Variants in UNC5D observed in about 807,000 individuals in gnomAD.
The protein encoded by UNC5D is unc-5 netrin receptor D, also known as netrin receptor UNC5D.
UNC5D carries 39 observed loss-of-function variants against 105.4 expected under a neutral mutation model. The observed-to-expected ratio is 0.37, with a 90% CI of 0.29 to 0.48. The LOEUF (loss-of-function observed/expected upper bound fraction) is 0.48, where lower values mean the gene tolerates loss of function less well. Ranked by LOEUF, UNC5D falls within the 20% of genes least tolerant of loss-of-function variation. The pLI, the probability that UNC5D is intolerant of heterozygous loss-of-function variation, is 0.98. For synonymous variants in UNC5D, 452 were observed against 450.4 expected, an observed-to-expected ratio of 1.00 and a Z score of -0.04; for missense variants, 991 against 1,202.4, an observed-to-expected ratio of 0.82 and a Z score of 2.60.
At chr8:35,408,628 C>T (rs895289926) in intron 1 of UNC5D, among the ~76,000 whole-genome samples, 2 of 151,556 alleles carry the variant, frequency 1.3e-5, no homozygotes, top group South Asian at 2.1e-4. Context: ...ATGTGGGAAC[C>T]GGAAGGGGTA....
chr8:35,318,183 C>T (rs1585571037), intron 1 of UNC5D, among the ~76,000 whole-genome samples: 1 of 152,030 alleles, frequency 6.6e-6, no homozygotes, highest in African/African-American at 2.4e-5. Context: ...CCAACTCTCC[C>T]TAGGTTGGAC....
At chr8:35,334,884 C>A (rs1480949695) in intron 1 of UNC5D, among the ~76,000 whole-genome samples, 1 of 152,112 alleles carries the variant, frequency 6.6e-6, no homozygotes, top group Non-Finnish European at 1.5e-5. Flanking sequence ...GAAACTATCA[C>A]CATAATTAAG....
chr8:35,599,410 A>G (rs1819699607), intron 4 of UNC5D, among the ~76,000 whole-genome samples: 2 of 152,204 alleles, frequency 1.3e-5, no homozygotes, highest in African/African-American at 4.8e-5. Flanking sequence ...TGTAATACAT[A>G]CATTATTTAG....
chr8:35,671,975 C>T (rs1240614024), intron 4 of UNC5D, among the ~76,000 whole-genome samples: 2 of 152,080 alleles, frequency 1.3e-5, no homozygotes, highest in Admixed American at 6.6e-5. Flanking sequence ...ATGTGGAATC[C>T]GAGCTCATCC....
At chr8:35,724,231 T>C in intron 9 of UNC5D, 1 of 1,529,358 alleles carries the variant, frequency 6.5e-7, no homozygotes. Context: ...CTGACCATTT[T>C]GTTTTATTTT....
intron 11 of UNC5D, among the ~76,000 whole-genome samples, chr8:35,733,538 C>T (rs947519078): frequency 2.6e-5 from 4 of 152,294 alleles, no homozygotes; most frequent in Admixed American, 1.3e-4. Flanking sequence ...AGAGCCACCA[C>T]GGTTCCCTCT....
At chr8:35,379,857 C>T (rs1585707514) in intron 1 of UNC5D, among the ~76,000 whole-genome samples, 1 of 151,956 alleles carries the variant, frequency 6.6e-6, no homozygotes, top group African/African-American at 2.4e-5. Flanking sequence ...TATAAAGCTG[C>T]TAATGTTTTG....
intron 1 of UNC5D, among the ~76,000 whole-genome samples, chr8:35,298,058 A>G (rs932800295): frequency 6.6e-6 from 1 of 152,132 alleles, no homozygotes; most frequent in African/African-American, 2.4e-5. Flanking sequence ...CTGTCTGCAG[A>G]CTATGAGCTT....
chr8:35,769,584 G>A (rs746952396), intron 15 of UNC5D, among the ~76,000 whole-genome samples: 1 of 152,182 alleles, frequency 6.6e-6, no homozygotes, highest in African/African-American at 2.4e-5. Flanking sequence ...GGATGTCTTG[G>A]TTGAATGATT....
intron 1 of UNC5D, among the ~76,000 whole-genome samples, chr8:35,547,835 A>G (rs1399218776): frequency 3.3e-5 from 5 of 152,156 alleles, no homozygotes; most frequent in African/African-American, 1.2e-4. Context: ...ATAGATGTAT[A>G]TATAAAGGGG....
chr8:35,303,979 C>T (rs1182444715), intron 1 of UNC5D, among the ~76,000 whole-genome samples: 1 of 151,950 alleles, frequency 6.6e-6, no homozygotes, highest in Non-Finnish European at 1.5e-5. Flanking sequence ...GGAGCTCCTC[C>T]ATGTTAAAAA....
At chr8:35,494,586 A>G (rs1811429187) in intron 1 of UNC5D, among the ~76,000 whole-genome samples, 1 of 152,180 alleles carries the variant, frequency 6.6e-6, no homozygotes, top group Admixed American at 6.5e-5. Context: ...ACCATGATGA[A>G]AAGCAGCACT....
At chr8:35,425,123 C>T (rs559807420) in intron 1 of UNC5D, among the ~76,000 whole-genome samples, 2 of 152,282 alleles carry the variant, frequency 1.3e-5, no homozygotes, top group South Asian at 2.1e-4. Context: ...CAACATGGCA[C>T]ATGTATACAT....
chr8:35,320,283 A>G (rs1585575807), intron 1 of UNC5D, among the ~76,000 whole-genome samples: 1 of 152,206 alleles, frequency 6.6e-6, no homozygotes, highest in East Asian at 1.9e-4. Context: ...GAGTTAAGTT[A>G]TTATCTTAAG....
chr8:35,793,352 T>C lies in UNC5D; in HGVS notation c.*2789T>C. Reference sequence around the variant, plus strand: ...TCACTGTGACCTAAATTTAGTCCTATTGTAATATGTGCCTGTCACAACACA... The same window carrying C: ...TCACTGTGACCTAAATTTAGTCCTACTGTAATATGTGCCTGTCACAACACA... On this transcript the variant is annotated 3_prime_UTR_variant, in exon 17 of 17. Coordinates refer to ENST00000404895, the MANE Select transcript of UNC5D (RefSeq NM_080872.4). 1 of 267,184 alleles carries C rather than the reference T, an allele frequency of 3.7e-6. No homozygotes were observed. 16.6% of individuals were successfully genotyped at this position (267,184 alleles called of 1,614,324 possible). A position where few individuals can be genotyped will look rare whatever the true frequency, so the allele number is the denominator to read the frequency against.
chr8:35,675,255 C>T (rs1825131465), intron 4 of UNC5D, among the ~76,000 whole-genome samples: 1 of 152,162 alleles, frequency 6.6e-6, no homozygotes, highest in African/African-American at 2.4e-5. Context: ...TCCCTTACCT[C>T]TATCCGTAAA....
intron 1 of UNC5D, among the ~76,000 whole-genome samples, chr8:35,430,218 T>C (rs1263438938): frequency 1.3e-5 from 2 of 152,048 alleles, no homozygotes; most frequent in East Asian, 3.9e-4. Flanking sequence ...CAGTGGCCAG[T>C]GGTTTAATCA....
At position 35,455,490 on chromosome 8, in the gene UNC5D, G is replaced by A. The variant is rs190513178; in HGVS notation, c.104-93802G>A. Among the ~76,000 whole-genome samples, 165 of 151,916 alleles carry A rather than the reference G, an allele frequency of 1.1e-3. 1 individual carries two copies. The highest frequency in any genetic ancestry group is 3.9e-3 in the African/African-American group (162 of 41,466). Reference sequence around the variant, plus strand: ...GACGGGGTTTTGCCATATTGGCCAGGTTGGTCTTGAACTCCTGATCTCAGG... The same window carrying A: ...GACGGGGTTTTGCCATATTGGCCAGATTGGTCTTGAACTCCTGATCTCAGG... On this transcript the variant is annotated intron_variant, in intron 1 of 16. Coordinates refer to ENST00000404895, the MANE Select transcript of UNC5D (RefSeq NM_080872.4).
chr8:35,271,713 T>TATACATTTATACATATATATG (rs1563268302), intron 1 of UNC5D, among the ~76,000 whole-genome samples: 1 of 85,392 alleles, frequency 1.2e-5, no homozygotes, highest in Non-Finnish European at 2.3e-5. Flanking sequence ...ACATATATAT[T>TATACATTTATACATATATATG]TATACATGTA....
Sources: allele counts gnomAD v4.1 joint callset (sites outside exome capture counted in the v4.1 genomes callset), GRCh38; gene constraint gnomAD v4.1.1; transcripts MANE v1.5; gene names NCBI Gene and HGNC (gene_info 2026-07-23, HGNC 2026-07-21).